ERP44: variants seen among roughly 807,000 people sequenced by gnomAD.
The protein encoded by ERP44 is endoplasmic reticulum resident protein 44.
Under a neutral mutation model 53.4 loss-of-function variants are expected in ERP44, and 25 were observed. That is an observed-to-expected ratio of 0.47 (90% CI 0.34 to 0.65). The LOEUF is 0.65. ERP44 is among the 30% of genes least tolerant of loss of function. The pLI is 0.01. For missense variants in ERP44, 338 were observed against 493.2 expected (o/e 0.69, Z 2.98); for synonymous variants, 145 against 161.2 (o/e 0.90, Z 0.76).
intron 6 of ERP44, among the ~76,000 whole-genome samples, 195 bp downstream of exon 6, chr9:100,020,421 A>T (rs941568954): frequency 6.6e-6 from 1 of 152,204 alleles, no homozygotes; most frequent in Admixed American, 6.5e-5. Context: ...TCTGAAATAG[A>T]TAATACTACA....
intron 7 of ERP44, among the ~76,000 whole-genome samples, chr9:100,016,645 G>A (rs1196257604): frequency 1.3e-5 from 2 of 152,114 alleles, no homozygotes; most frequent in African/African-American, 4.8e-5. Flanking sequence ...GGGACTACAG[G>A]TACATGCCAC....
At chr9:100,023,918 A>G (rs967687988) in intron 4 of ERP44, among the ~76,000 whole-genome samples, 19 of 152,008 alleles carry the variant, frequency 1.2e-4, no homozygotes, top group Non-Finnish European at 2.6e-4. Context: ...AGTTTGGGAG[A>G]ATGAGGCGGG....
chr9:100,060,139 T>C lies in ERP44; in HGVS notation c.91A>G (p.Ile31Val). ...ATATTCTCTGTATCAAGACTTGTTA[T>C]TTCAGTTGTTACAGGAGTAAAAACC... ...TWVFTPVTTE[I>V]TSLDTENIDE... The change falls in exon 2 of 12, where the codon ATA becomes GTA. Residue 31 changes from isoleucine to valine, a missense_variant. Ile to Val is a conservative substitution (Grantham distance 29). Coordinates refer to ENST00000262455, the MANE Select transcript of ERP44 (RefSeq NM_015051.3). 6.7e-7 allele frequency: 1 copy of C among 1,500,960 alleles called. No homozygotes were observed. The highest frequency in any genetic ancestry group is 8.9e-7 in the Non-Finnish European group (1 of 1,127,240). The allele number at this position is 1,500,960 out of a possible 1,614,324, so 93.0% of individuals were successfully genotyped here. A position where few individuals can be genotyped will look rare whatever the true frequency, so the allele number is the denominator to read the frequency against.
At chr9:100,003,156 ATC>A (rs1212656960) in intron 10 of ERP44, among the ~76,000 whole-genome samples, 1 of 152,182 alleles carries the variant, frequency 6.6e-6, no homozygotes, top group Non-Finnish European at 1.5e-5. Context: ...TATAATTTCA[ATC>A]TCTCTGGTAA....
intron 3 of ERP44, among the ~76,000 whole-genome samples, chr9:100,053,909 A>G (rs1826063045): frequency 6.6e-6 from 1 of 152,200 alleles, no homozygotes; most frequent in Non-Finnish European, 1.5e-5. Flanking sequence ...AGTTTAATCC[A>G]CATGTAATTA....
intron 7 of ERP44, among the ~76,000 whole-genome samples, chr9:100,017,646 A>G (rs1830537843): frequency 6.6e-6 from 1 of 152,246 alleles, no homozygotes; most frequent in Non-Finnish European, 1.5e-5. Flanking sequence ...CTATAAATTG[A>G]AAAAATATCC....
intron 4 of ERP44, among the ~76,000 whole-genome samples, chr9:100,026,810 C>A (rs1205129292): frequency 2.6e-5 from 4 of 152,032 alleles, no homozygotes; most frequent in Non-Finnish European, 5.9e-5. Flanking sequence ...CTTTTTAATA[C>A]CCAAAGGATC....
intron 4 of ERP44, among the ~76,000 whole-genome samples, chr9:100,023,116 C>T: frequency 6.6e-6 from 1 of 152,116 alleles, no homozygotes; most frequent in East Asian, 1.9e-4. Flanking sequence ...GCTGGTACTT[C>T]CTTGAAGCAG....
chr9:100,087,997 TTAC>T, intron 1 of ERP44, among the ~76,000 whole-genome samples: 1 of 152,070 alleles, frequency 6.6e-6, no homozygotes, highest in Non-Finnish European at 1.5e-5. Context: ...ACATTTTAAG[TTAC>T]TACAACAGTA....
At chr9:100,049,330 C>T (rs1206211305) in intron 4 of ERP44, among the ~76,000 whole-genome samples, 1 of 152,074 alleles carries the variant, frequency 6.6e-6, no homozygotes, top group Non-Finnish European at 1.5e-5. Flanking sequence ...CTGGAAGGTC[C>T]GAGACTGCAG....
At chr9:100,013,983 T>C (rs990301308) in intron 8 of ERP44, among the ~76,000 whole-genome samples, 1 of 152,178 alleles carries the variant, frequency 6.6e-6, no homozygotes, top group African/African-American at 2.4e-5. Context: ...TACAGCTTCA[T>C]GCAATATGAA....
At chr9:100,056,482 C>T (rs1826089551) in intron 3 of ERP44, among the ~76,000 whole-genome samples, 1 of 152,160 alleles carries the variant, frequency 6.6e-6, no homozygotes. Flanking sequence ...TATGTATTCT[C>T]ACAGAGCAAA....
intron 8 of ERP44, among the ~76,000 whole-genome samples, chr9:100,013,765 C>G (rs962465497): frequency 6.6e-6 from 1 of 152,228 alleles, no homozygotes; most frequent in East Asian, 1.9e-4. Flanking sequence ...TATATATGCC[C>G]TATGACTCAG....
intron 11 of ERP44, among the ~76,000 whole-genome samples, chr9:99,983,818 TTAAGCTGAAA>T (rs1417027656): frequency 2.0e-5 from 3 of 152,226 alleles, no homozygotes; most frequent in African/African-American, 4.8e-5. Context: ...TATGTTTGGA[TTAAGCTGAAA>T]TAAGCTGAAA....
intron 4 of ERP44, among the ~76,000 whole-genome samples, chr9:100,029,404 G>A (rs1825749734): frequency 1.3e-5 from 2 of 152,098 alleles, no homozygotes; most frequent in African/African-American, 4.8e-5. Flanking sequence ...TGGCCAAAAA[G>A]CATGTGAAAA....
At chr9:100,086,331 G>C (rs1053946348) in intron 1 of ERP44, among the ~76,000 whole-genome samples, 9 of 152,152 alleles carry the variant, frequency 5.9e-5, no homozygotes. Flanking sequence ...CCAAAGGAAA[G>C]AGACAAGTTA....
At chr9:100,058,001 G>T (rs1411685198) in intron 2 of ERP44, 142 bp from the exon 3 acceptor site, 3 of 638,040 alleles carry the variant, frequency 4.7e-6, no homozygotes, top group Admixed American at 3.2e-5. Flanking sequence ...CAGAAACCTA[G>T]AGTCATGGAC....
In ERP44 at chr9:100,099,000, C is replaced by T; in HGVS notation, c.-160G>A. The T allele has an allele frequency of 1.6e-6, 1 of 607,244 alleles. No individual in the cohort carries two copies. The highest frequency in any genetic ancestry group is 3.0e-6 in the Non-Finnish European group (1 of 338,820). The allele number at this position is 607,244 out of a possible 1,614,324, so 37.6% of individuals were successfully genotyped here. ...TCGACCCGGGCTCCAGCGGCGAACA[C>T]CCGGGACAACTTCCAGAGAGGCCTC... is the stretch of plus-strand genomic sequence containing the variant. On this transcript the variant is annotated 5_prime_UTR_variant, in exon 1 of 12. The change creates a new upstream start codon in the 5' untranslated region. Transcript: ENST00000262455.
intron 8 of ERP44, among the ~76,000 whole-genome samples, chr9:100,014,517 G>A (rs1186655710): frequency 6.6e-6 from 1 of 152,154 alleles, no homozygotes; most frequent in Non-Finnish European, 1.5e-5. Context: ...TCGAACTCCC[G>A]ACCTCAGGTG....
Sources: gnomAD v4.1 joint callset for allele counts (sites outside exome capture counted in the v4.1 genomes callset) on GRCh38, gnomAD v4.1.1 for gene constraint, MANE v1.5 for transcripts, NCBI Gene and HGNC (gene_info 2026-07-23, HGNC 2026-07-21) for gene names.